Variants in NEDD4L observed in about 807,000 individuals in gnomAD.
The protein encoded by NEDD4L is NEDD4 like E3 ubiquitin protein ligase.
Under a neutral mutation model 148.9 loss-of-function variants are expected in NEDD4L, and 54 were observed. The ratio of observed to expected loss-of-function variants is 0.36; its 90% confidence interval spans 0.29 to 0.45. The LOEUF is 0.45. NEDD4L is among the 20% of genes least tolerant of loss of function. NEDD4L has a pLI of 1.00. For synonymous variants in NEDD4L, 433 were observed against 440.7 expected, an observed-to-expected ratio of 0.98 and a Z score of 0.22; for missense variants, 856 against 1,233.8, an observed-to-expected ratio of 0.69 and a Z score of 4.59.
At chr18:58,322,511 TGG>T in intron 7 of NEDD4L, 25 bp downstream of exon 7, 1 of 570,314 alleles carries the variant, frequency 1.8e-6, no homozygotes. Flanking sequence ...TATGGGTGGG[TGG>T]GGATGCCTGC....
At chr18:58,169,735 C>G (rs766205985) in intron 2 of NEDD4L, among the ~76,000 whole-genome samples, 2 of 152,220 alleles carry the variant, frequency 1.3e-5, no homozygotes, top group South Asian at 4.1e-4. Flanking sequence ...CAAGGACGTA[C>G]TCTGCCCTAA....
chr18:58,095,321 C>T (rs769784579), intron 1 of NEDD4L, among the ~76,000 whole-genome samples: 1 of 152,188 alleles, frequency 6.6e-6, no homozygotes. Flanking sequence ...CAGGTGCTCG[C>T]TCTGGGAAGG....
intron 5 of NEDD4L, among the ~76,000 whole-genome samples, chr18:58,298,031 A>G (rs1417949745): frequency 6.6e-6 from 1 of 152,188 alleles, no homozygotes; most frequent in Non-Finnish European, 1.5e-5. Context: ...AAGGGAAACA[A>G]TTAAAAAATA....
intron 1 of NEDD4L, among the ~76,000 whole-genome samples, chr18:58,059,603 A>G (rs2144660558): frequency 6.6e-6 from 1 of 152,302 alleles, no homozygotes; most frequent in South Asian, 2.1e-4. Flanking sequence ...CAGCAGTGTT[A>G]GGAAGTTTGG....
At chr18:58,195,824 T>G (rs983191632) in intron 2 of NEDD4L, 3 of 767,132 alleles carry the variant, frequency 3.9e-6, no homozygotes, top group African/African-American at 3.5e-5. Context: ...TCCATTAGCT[T>G]TAACCCAAAT....
intron 30 of NEDD4L, 103 bp from the exon 31 acceptor site, chr18:58,396,064 G>C (rs572846924): frequency 1.4e-6 from 1 of 705,188 alleles, no homozygotes; most frequent in Non-Finnish European, 2.4e-6. Flanking sequence ...CAAAATTGTT[G>C]GTTAAGGCTT....
At chr18:58,332,688 A>C (rs1009295843) in intron 11 of NEDD4L, among the ~76,000 whole-genome samples, 2 of 152,108 alleles carry the variant, frequency 1.3e-5, no homozygotes, top group African/African-American at 4.8e-5. Flanking sequence ...GGAAGATGTG[A>C]ATTGTCCCCC....
At chr18:58,260,251 G>A (rs1315650221) in intron 5 of NEDD4L, among the ~76,000 whole-genome samples, 2 of 152,164 alleles carry the variant, frequency 1.3e-5, no homozygotes, top group East Asian at 1.9e-4. Flanking sequence ...GTTTCTGACT[G>A]GATTCAATCA....
intron 1 of NEDD4L, among the ~76,000 whole-genome samples, chr18:58,096,766 A>G (rs2084437258): frequency 6.6e-6 from 1 of 152,142 alleles, no homozygotes; most frequent in African/African-American, 2.4e-5. Flanking sequence ...TCAGAAACCA[A>G]CTCCATGCTT....
chr18:58,354,873 ACT>A (rs973289264), intron 18 of NEDD4L, among the ~76,000 whole-genome samples: 14 of 152,216 alleles, frequency 9.2e-5, no homozygotes, highest in African/African-American at 3.4e-4. Context: ...GATGACAAAC[ACT>A]GAGTAGGATT....
intron 1 of NEDD4L, 32 bp downstream of exon 1, chr18:58,044,740 C>T (rs1426573600): frequency 6.3e-7 from 1 of 1,599,250 alleles, no homozygotes; most frequent in Non-Finnish European, 8.5e-7. Flanking sequence ...CTCGGGACTC[C>T]CCGGGGAGTT....
intron 5 of NEDD4L, among the ~76,000 whole-genome samples, chr18:58,282,146 T>G (rs2053236189): frequency 6.6e-6 from 1 of 151,238 alleles, no homozygotes. Flanking sequence ...GGCAAAGGTC[T>G]CTCTGAGTTT....
intron 5 of NEDD4L, among the ~76,000 whole-genome samples, chr18:58,291,260 G>A (rs1427874009): frequency 6.6e-6 from 1 of 152,244 alleles, no homozygotes; most frequent in Non-Finnish European, 1.5e-5. Flanking sequence ...ACTGAAGTTT[G>A]CACTGGAGCT....
intron 2 of NEDD4L, among the ~76,000 whole-genome samples, chr18:58,233,978 T>G (rs1202874149): frequency 2.0e-5 from 3 of 152,172 alleles, no homozygotes; most frequent in African/African-American, 7.2e-5. Flanking sequence ...GTGTCTACCT[T>G]TCCCCTGTTC....
chr18:58,113,992 G>A (rs1275763853), intron 1 of NEDD4L, among the ~76,000 whole-genome samples: 1 of 152,184 alleles, frequency 6.6e-6, no homozygotes, highest in Non-Finnish European at 1.5e-5. Flanking sequence ...GTGAGGGTAT[G>A]TGCGCTCTCA....
At chr18:58,257,963 G>A (rs1312126687) in intron 5 of NEDD4L, among the ~76,000 whole-genome samples, 1 of 152,176 alleles carries the variant, frequency 6.6e-6, no homozygotes, top group Admixed American at 6.5e-5. Flanking sequence ...GAGCGTCTGA[G>A]TATTACTCTA....
intron 1 of NEDD4L, among the ~76,000 whole-genome samples, chr18:58,081,430 A>G (rs543959451): frequency 6.6e-6 from 1 of 151,774 alleles, no homozygotes; most frequent in Admixed American, 6.6e-5. Flanking sequence ...TTAGCCAGGA[A>G]GGTCTCGATC....
At chr18:58,342,332 A>G (rs1371825303) in intron 15 of NEDD4L, among the ~76,000 whole-genome samples, 1 of 152,196 alleles carries the variant, frequency 6.6e-6, no homozygotes. Context: ...AACATCACAA[A>G]TGTCAGAGTT....
intron 5 of NEDD4L, among the ~76,000 whole-genome samples, chr18:58,279,084 C>T (rs754614632): frequency 6.6e-6 from 1 of 151,886 alleles, no homozygotes; most frequent in Non-Finnish European, 1.5e-5. Context: ...GCTGTGTTGG[C>T]CAGGCTGGTC....
Sources: gnomAD v4.1 joint callset for allele counts (sites outside exome capture counted in the v4.1 genomes callset) on GRCh38, gnomAD v4.1.1 for gene constraint, MANE v1.5 for transcripts, NCBI Gene and HGNC (gene_info 2026-07-23, HGNC 2026-07-21) for gene names.